Variants in CHL1 observed in about 807,000 individuals in gnomAD.
CHL1 encodes the protein neural cell adhesion molecule L1-like protein.
In CHL1, 96 loss-of-function variants were observed where a neutral mutation model predicts 141.9. That is an observed-to-expected ratio of 0.68 (90% CI 0.57 to 0.80). CHL1 has a LOEUF of 0.80. Among genes scored for constraint, CHL1 ranks in the 30% least tolerant of loss-of-function variants. The pLI is 0.00. For missense variants in CHL1, 1,820 were observed against 1,457.2 expected (o/e 1.25, Z -4.05); for synonymous variants, 613 against 502.2 (o/e 1.22, Z -2.95).
chr3:377,869 C>G lies in CHL1; in HGVS notation c.1803C>G (p.Asp601Glu), dbSNP rs763710651. Residue 601 changes from aspartate to glutamate, a missense_variant, in exon 16 of 28, where the codon GAC becomes GAG. Asp to Glu is a conservative substitution (Grantham distance 45). Transcript: ENST00000256509. ...NLTISNVTLE[D>E]QGIYCCSAHT... The stretch of plus-strand genomic sequence containing the variant: ...CCATATCTAATGTAACTTTAGAGGA[C>G]CAAGGTATTTACTGCTGTTCAGCTC... The G allele has an allele frequency of 5.0e-6, 8 of 1,610,982 alleles. No homozygotes were observed. The East Asian group carries it at 1.6e-4, about 31-fold the overall frequency.
At chr3:334,873 T>G (rs1158604704) in intron 5 of CHL1, among the ~76,000 whole-genome samples, 2 of 152,226 alleles carry the variant, frequency 1.3e-5, no homozygotes, top group East Asian at 3.8e-4. Context: ...TGCATTGCCT[T>G]GTAGATGTCA....
intron 15 of CHL1, among the ~76,000 whole-genome samples, chr3:369,178 A>C (rs1336433483): frequency 3.3e-5 from 5 of 152,214 alleles, no homozygotes; most frequent in African/African-American, 1.2e-4. Flanking sequence ...TCTATAAATT[A>C]CTTTGGGCAG....
rs575694438 is a variant in CHL1 at position 363,347 on chromosome 3, G to A, written c.1549G>A (p.Gly517Arg). ...CTCATGTTGGGTAGAAAATGCTATA[G>A]GAAAAACTGCAGTCACAGCCAATTT... is the stretch of plus-strand genomic sequence containing the variant. ...SYSCWVENAI[G>R]KTAVTANLDI... is the part of the protein sequence containing the mutation. Residue 517 changes from glycine (G) to arginine (R), a missense_variant, in exon 14 of 28, where the codon GGA (glycine) becomes AGA (arginine). Physicochemically the swap from Gly to Arg is moderately radical, Grantham distance 125 (BLOSUM62 -2). Transcript: ENST00000256509. 1 of 1,611,574 alleles carries A rather than the reference G, an allele frequency of 6.2e-7. No individual in the cohort carries two copies. The highest frequency in any genetic ancestry group is 1.3e-5 in the African/African-American group (1 of 74,804).
At position 296,000 on chromosome 3, in the gene CHL1, T is replaced by A. The variant is rs560681229; in HGVS notation, c.-94-23683T>A. Among the ~76,000 whole-genome samples, 3 of 150,972 alleles carry A rather than the reference T, an allele frequency of 2.0e-5. No individual in the cohort carries two copies. In the South Asian group the frequency reaches 6.2e-4, roughly 31 times the overall value. On this transcript the variant is annotated intron_variant, in intron 2 of 27. Transcript: ENST00000256509. ...TTGGGAACTATAGTACAACTCCCTC[T>A]CAAAAAAAAAATACTCCTGTAATTC...
chr3:215,167 G>C (rs1410044815), intron 1 of CHL1, among the ~76,000 whole-genome samples: 2 of 131,338 alleles, frequency 1.5e-5, no homozygotes, highest in South Asian at 5.1e-4. Context: ...ATCAACCTAA[G>C]TGTCCATCAA....
intron 26 of CHL1, among the ~76,000 whole-genome samples, chr3:400,277 A>T (rs1482235479): frequency 6.6e-6 from 1 of 152,204 alleles, no homozygotes; most frequent in East Asian, 1.9e-4. Context: ...TGACATGCAT[A>T]ATTTATGGAG....
At chr3:390,494 C>T (rs1462196230) in intron 20 of CHL1, among the ~76,000 whole-genome samples, 8 of 152,138 alleles carry the variant, frequency 5.3e-5, no homozygotes, top group Non-Finnish European at 1.2e-4. Context: ...GGCTTTGTTT[C>T]TCAGTGTGAT....
intron 24 of CHL1, among the ~76,000 whole-genome samples, chr3:397,699 A>G (rs1362915795): frequency 6.6e-6 from 1 of 152,092 alleles, no homozygotes; most frequent in East Asian, 1.9e-4. Context: ...AAACCATTCC[A>G]TTGGTATGTA....
intron 1 of CHL1, among the ~76,000 whole-genome samples, chr3:224,188 G>C (rs1248826908): frequency 6.6e-6 from 1 of 152,110 alleles, no homozygotes; most frequent in African/African-American, 2.4e-5. Flanking sequence ...TGAACAAGGA[G>C]GGAGTAGTTT....
At chr3:352,288 T>G (rs577220153) in intron 10 of CHL1, among the ~76,000 whole-genome samples, 7 of 152,290 alleles carry the variant, frequency 4.6e-5, no homozygotes, top group African/African-American at 1.7e-4. Context: ...TAGATTTTAA[T>G]AAGAACCTGT....
Position 340,809 on chromosome 3 carries a change from C to T in CHL1, c.401C>T (p.Pro134Leu). 1 of 1,608,756 alleles carries T rather than the reference C, an allele frequency of 6.2e-7. No individual in the cohort carries two copies. The highest frequency in any genetic ancestry group is 8.5e-7 in the Non-Finnish European group (1 of 1,177,188). ...EFIVPSVPKF[P>L]KEKIDPLEVE... Reference sequence around the variant, plus strand: ...TTTACACCAGGTGTTCCAAAATTCCCAAAAGAAAAAATTGACCCTCTTGAA... The same window carrying T: ...TTTACACCAGGTGTTCCAAAATTCCTAAAAGAAAAAATTGACCCTCTTGAA... Residue 134 changes from proline to leucine, a missense_variant, in exon 6 of 28, where the codon CCA (proline) becomes CTA (leucine). Coordinates refer to ENST00000256509, the MANE Select transcript of CHL1 (RefSeq NM_006614.4).
chr3:317,543 C>A (rs1252418242), intron 2 of CHL1, among the ~76,000 whole-genome samples: 1 of 151,270 alleles, frequency 6.6e-6, no homozygotes, highest in Non-Finnish European at 1.5e-5. Flanking sequence ...GCTCTTAAAG[C>A]CATCAGCATT....
rs1285315509 is a variant in CHL1, at chr3:382,466, A to T, written c.1979-8A>T. ...ATTCTAATATTTTTTCCCTGTTTAT[A>T]CTACCAGAGTATATTGTTGAATTTG... is the stretch of plus-strand genomic sequence containing the variant. On this transcript the variant is annotated splice_polypyrimidine_tract_variant and splice_region_variant and intron_variant, in intron 17 of 27. Transcript: ENST00000256509. The T allele has an allele frequency of 1.9e-6, 3 of 1,610,348 alleles. No individual in the cohort carries two copies. In the East Asian group the frequency reaches 6.7e-5, roughly 36 times the overall value.
intron 1 of CHL1, among the ~76,000 whole-genome samples, chr3:216,048 T>C (rs1373956975): frequency 6.6e-6 from 1 of 152,124 alleles, no homozygotes; most frequent in Non-Finnish European, 1.5e-5. Flanking sequence ...ATTAGGAATA[T>C]TTTAAATATA....
At chr3:340,419 G>T (rs1367216388) in intron 5 of CHL1, among the ~76,000 whole-genome samples, 2 of 152,094 alleles carry the variant, frequency 1.3e-5, no homozygotes, top group Non-Finnish European at 1.5e-5. Context: ...ATATGCAACC[G>T]CCCAAAGTGA....
chr3:367,054 A>C (rs1488885707), intron 15 of CHL1, among the ~76,000 whole-genome samples: 1 of 152,270 alleles, frequency 6.6e-6, no homozygotes, highest in Admixed American at 6.5e-5. Flanking sequence ...AATATAGACA[A>C]AATATAAAAG....
At position 336,118 on chromosome 3, in the gene CHL1, A is replaced by G. The variant is rs150533269; in HGVS notation, c.386-4676A>G. 8.5e-3 allele frequency among the ~76,000 whole-genome samples: 1,293 copies of G among 152,316 alleles called. 19 individuals carry two copies. Among genetic ancestry groups the G allele is most frequent in the African/African-American group, 0.03 (1,238 of 41,564 alleles). On this transcript the variant is annotated intron_variant, in intron 5 of 27. Transcript: ENST00000256509. Reference sequence around the variant, plus strand: ...GGAAGAGAAGCCAGGACGCAGGCCCAAGCAGCTGACTTCAGTGTTTATGGA... The same window carrying G: ...GGAAGAGAAGCCAGGACGCAGGCCCGAGCAGCTGACTTCAGTGTTTATGGA...
intron 24 of CHL1, among the ~76,000 whole-genome samples, chr3:397,345 T>G (rs1708760597): frequency 6.6e-6 from 1 of 152,114 alleles, no homozygotes; most frequent in African/African-American, 2.4e-5. Context: ...ACTATATAAT[T>G]AATTTTTATT....
intron 11 of CHL1, among the ~76,000 whole-genome samples, chr3:357,717 CACA>C (rs1336613646): frequency 1.3e-5 from 2 of 152,206 alleles, no homozygotes; most frequent in African/African-American, 4.8e-5. Flanking sequence ...TTTGTCAATA[CACA>C]ACAATTTCCA....
Sources: allele counts gnomAD v4.1 joint callset (sites outside exome capture counted in the v4.1 genomes callset), GRCh38; gene constraint gnomAD v4.1.1; transcripts MANE v1.5; gene names NCBI Gene and HGNC (gene_info 2026-07-23, HGNC 2026-07-21).